The following ABCA1 variants were observed in gnomAD, a reference collection of about 807,000 sequenced individuals.
ABCA1 encodes the protein phospholipid-transporting ATPase ABCA1.
In ABCA1, 133 loss-of-function variants were observed where a neutral mutation model predicts 262.5. The ratio of observed to expected loss-of-function variants is 0.51; its 90% confidence interval spans 0.44 to 0.59. The LOEUF is 0.59. Among genes scored for constraint, ABCA1 ranks in the 20% least tolerant of loss-of-function variants. The pLI is 0.00. For missense variants in ABCA1, 2,452 were observed against 2,777.5 expected (o/e 0.88, Z 2.63); for synonymous variants, 1,022 against 1,043.5 (o/e 0.98, Z 0.40).
At chr9:104,918,696 C>T (rs1659234493) in intron 1 of ABCA1, among the ~76,000 whole-genome samples, 1 of 152,162 alleles carries the variant, frequency 6.6e-6, no homozygotes, top group South Asian at 2.1e-4. Flanking sequence ...CTAAGGTAAA[C>T]TCTGCCACCA....
chr9:104,859,566 T>G (rs1484747070), intron 6 of ABCA1, among the ~76,000 whole-genome samples: 1 of 152,194 alleles, frequency 6.6e-6, no homozygotes, highest in African/African-American at 2.4e-5. Flanking sequence ...CAACCTAAGG[T>G]GAGTGATGGA....
chr9:104,818,116 A>G (rs1831939688), intron 23 of ABCA1, among the ~76,000 whole-genome samples: 2 of 151,880 alleles, frequency 1.3e-5, no homozygotes, highest in Admixed American at 1.3e-4. Context: ...GATAATAAAT[A>G]TAGTTACCTT....
chr9:104,888,076 T>TGTGTGTGTATGG (rs1839361432), intron 3 of ABCA1, among the ~76,000 whole-genome samples: 1 of 151,720 alleles, frequency 6.6e-6, no homozygotes, highest in African/African-American at 2.4e-5. Flanking sequence ...TGTGTGTGTG[T>TGTGTGTGTATGG]GTGTGTGTGT....
intron 9 of ABCA1, 126 bp downstream of exon 9, chr9:104,840,153 T>G (rs1834235640): frequency 6.6e-7 from 1 of 1,523,400 alleles, no homozygotes; most frequent in African/African-American, 1.4e-5. Context: ...AAGAGCTCAG[T>G]CTGGTGGGCA....
chr9:104,870,998 T>C (rs1837556710), intron 5 of ABCA1, among the ~76,000 whole-genome samples: 1 of 152,200 alleles, frequency 6.6e-6, no homozygotes, highest in Non-Finnish European at 1.5e-5. Context: ...CAGGGCCTTT[T>C]CACTTCTTTT....
chr9:104,793,326 G>C, intron 40 of ABCA1, 26 bp from the exon 41 acceptor site: 1 of 1,614,024 alleles, frequency 6.2e-7, no homozygotes, highest in Non-Finnish European at 8.5e-7. Context: ...CAGAGATCCG[G>C]TCAGAATGGA....
chr9:104,845,354 T>C, intron 8 of ABCA1, 123 bp downstream of exon 8: 1 of 735,504 alleles, frequency 1.4e-6, no homozygotes, highest in Non-Finnish European at 2.5e-6. Context: ...TCACTTATAC[T>C]TTGAAAATTG....
At chr9:104,832,826 C>T in intron 11 of ABCA1, 55 bp from the exon 12 acceptor site, 1 of 1,560,758 alleles carries the variant, frequency 6.4e-7, no homozygotes, top group Non-Finnish European at 8.8e-7. Flanking sequence ...TCTTGAGGAG[C>T]ACTACAAAAT....
chr9:104,915,105 C>A (rs1841766258), intron 1 of ABCA1, among the ~76,000 whole-genome samples: 1 of 152,206 alleles, frequency 6.6e-6, no homozygotes, highest in Non-Finnish European at 1.5e-5. Flanking sequence ...CACCTGGATA[C>A]AATTTTGCCA....
chr9:104,888,437 A>T (rs1839408840), intron 3 of ABCA1, among the ~76,000 whole-genome samples: 2 of 152,210 alleles, frequency 1.3e-5, no homozygotes, highest in African/African-American at 2.4e-5. Flanking sequence ...ATACACTGAC[A>T]ATAATAATAT....
At chr9:104,882,206 G>C (rs535499144) in intron 5 of ABCA1, among the ~76,000 whole-genome samples, 13 of 152,292 alleles carry the variant, frequency 8.5e-5, no homozygotes, top group Admixed American at 1.3e-4. Context: ...CCCTGGAGCA[G>C]TGGCAGCCAT....
intron 5 of ABCA1, among the ~76,000 whole-genome samples, chr9:104,879,198 T>C (rs1010933522): frequency 1.3e-5 from 2 of 152,234 alleles, no homozygotes; most frequent in African/African-American, 4.8e-5. Context: ...TTTCAACTGC[T>C]GCATAAATTG....
chr9:104,847,506 C>A (rs1028781761), intron 7 of ABCA1, among the ~76,000 whole-genome samples: 1 of 152,182 alleles, frequency 6.6e-6, no homozygotes, highest in Non-Finnish European at 1.5e-5. Context: ...AAGTTTACTG[C>A]CAAAACTGGA....
At chr9:104,867,366 G>T (rs1243449535) in intron 5 of ABCA1, among the ~76,000 whole-genome samples, 1 of 152,224 alleles carries the variant, frequency 6.6e-6, no homozygotes. Context: ...TGAGTAAGGT[G>T]CCCGGTAAAG....
In ABCA1 at chr9:104,821,363, G is replaced by A; in HGVS notation, c.2960+12C>T. The stretch of plus-strand genomic sequence containing the variant: ...AGAAAAGGCCTATTCTTAACGTGCT[G>A]CTGGTACTCACATGTCAAACAGCAC... On this transcript the variant is annotated intron_variant, in intron 20 of 49. Transcript: ENST00000374736. 6.2e-7 allele frequency: 1 copy of A among 1,613,924 alleles called. No homozygotes were observed. The highest frequency in any genetic ancestry group is 8.5e-7 in the Non-Finnish European group (1 of 1,179,924).
chr9:104,846,448 G>C (rs1834892417), intron 7 of ABCA1, among the ~76,000 whole-genome samples: 1 of 152,226 alleles, frequency 6.6e-6, no homozygotes, highest in African/African-American at 2.4e-5. Flanking sequence ...CTGAAGTTTA[G>C]AGAAGGTTGG....
chr9:104,888,107 T>C (rs1455404768), intron 3 of ABCA1, among the ~76,000 whole-genome samples: 1 of 150,890 alleles, frequency 6.6e-6, no homozygotes, highest in African/African-American at 2.5e-5. Flanking sequence ...TGACTATGTG[T>C]GATGTGCATT....
intron 11 of ABCA1, among the ~76,000 whole-genome samples, chr9:104,835,598 G>A (rs141905693): frequency 3.9e-5 from 6 of 152,064 alleles, no homozygotes; most frequent in Non-Finnish European, 7.4e-5. Context: ...TCAGAGTAAC[G>A]TATCTACATC....
intron 31 of ABCA1, among the ~76,000 whole-genome samples, chr9:104,805,201 A>G (rs12340337): frequency 0.021 from 3,195 of 152,164 alleles, 43 homozygotes; most frequent in African/African-American, 0.041. Flanking sequence ...CAGCCTCCCA[A>G]GTAACTGGGA....
Sources: gnomAD v4.1 joint callset for allele counts (sites outside exome capture counted in the v4.1 genomes callset) on GRCh38, gnomAD v4.1.1 for gene constraint, MANE v1.5 for transcripts, NCBI Gene and HGNC (gene_info 2026-07-23, HGNC 2026-07-21) for gene names.